AUH: variants seen among roughly 807,000 people sequenced by gnomAD.
The protein encoded by AUH is AU RNA binding methylglutaconyl-CoA hydratase.
AUH carries 29 observed loss-of-function variants against 42.3 expected under a neutral mutation model. The observed-to-expected ratio is 0.69, with a 90% CI of 0.51 to 0.93. AUH has a LOEUF of 0.93. Among genes scored for constraint, AUH ranks in the 40% least tolerant of loss-of-function variants. AUH has a pLI of 0.00. For missense variants in AUH, 452 were observed against 438.1 expected, an observed-to-expected ratio of 1.03 and a Z score of -0.28; for synonymous variants, 174 against 166.4, an observed-to-expected ratio of 1.05 and a Z score of -0.35.
chr9:91,303,574 G>A (rs1415810715), intron 4 of AUH, among the ~76,000 whole-genome samples: 4 of 152,124 alleles, frequency 2.6e-5, no homozygotes, highest in South Asian at 2.1e-4. Flanking sequence ...TGATCCACCC[G>A]CCTCGGCCTC....
At chr9:91,359,096 A>C (rs1296671800) in intron 1 of AUH, among the ~76,000 whole-genome samples, 1 of 152,208 alleles carries the variant, frequency 6.6e-6, no homozygotes, top group Admixed American at 6.5e-5. Flanking sequence ...AACATACAAA[A>C]ATCTTCAGTG....
At chr9:91,322,234 C>A (rs1829634233) in intron 4 of AUH, among the ~76,000 whole-genome samples, 1 of 152,186 alleles carries the variant, frequency 6.6e-6, no homozygotes, top group Non-Finnish European at 1.5e-5. Context: ...ATCCCAATTT[C>A]AGAATCCACA....
At chr9:91,313,079 TG>T (rs1828834590) in intron 4 of AUH, among the ~76,000 whole-genome samples, 2 of 151,454 alleles carry the variant, frequency 1.3e-5, no homozygotes, top group Non-Finnish European at 2.9e-5. Context: ...CGGGGGGGGT[TG>T]TTTTTTTGGC....
At chr9:91,229,606 G>C (rs982954487) in intron 6 of AUH, among the ~76,000 whole-genome samples, 2 of 151,440 alleles carry the variant, frequency 1.3e-5, no homozygotes, top group African/African-American at 4.9e-5. Context: ...TATGATGTTA[G>C]CTGGTTATTT....
chr9:91,256,912 C>T (rs1382639439), intron 6 of AUH, among the ~76,000 whole-genome samples: 4 of 152,060 alleles, frequency 2.6e-5, no homozygotes, highest in Admixed American at 6.5e-5. Context: ...GATTATTCAG[C>T]GGACAAAAAT....
intron 6 of AUH, among the ~76,000 whole-genome samples, chr9:91,253,101 A>G (rs1187788647): frequency 6.6e-6 from 1 of 152,256 alleles, no homozygotes; most frequent in Non-Finnish European, 1.5e-5. Context: ...TTCTACAATA[A>G]TCTTTCATAA....
rs577813233 is a variant in AUH, at chr9:91,217,476, G to C, written c.844-149C>G. Reference sequence around the variant, plus strand: ...CTAGATGGAAAATTTTCTGAGCCTTGCAAGGCTGTAATTAAAGAGCAACTG... The same window carrying C: ...CTAGATGGAAAATTTTCTGAGCCTTCCAAGGCTGTAATTAAAGAGCAACTG... On this transcript the variant is annotated intron_variant, in intron 7 of 9. Transcript: ENST00000375731. 3 of 758,358 alleles carry C rather than the reference G, an allele frequency of 4.0e-6. No homozygotes were observed. The South Asian group carries it at 5.1e-5, about 13-fold the overall frequency. 47.0% of individuals were successfully genotyped at this position (758,358 alleles called of 1,614,324 possible).
intron 6 of AUH, among the ~76,000 whole-genome samples, chr9:91,256,191 G>T (rs58116121): frequency 0.025 from 3,877 of 152,204 alleles, 87 homozygotes; most frequent in East Asian, 0.059. Context: ...TTAAGCTTAT[G>T]ATTTATTTAG....
chr9:91,288,859 T>C (rs1826633619), intron 6 of AUH, among the ~76,000 whole-genome samples: 1 of 152,190 alleles, frequency 6.6e-6, no homozygotes, highest in African/African-American at 2.4e-5. Context: ...TCCATTAATA[T>C]GTTCAATAGA....
chr9:91,260,998 T>C (rs917199850), intron 6 of AUH, among the ~76,000 whole-genome samples: 1 of 152,180 alleles, frequency 6.6e-6, no homozygotes, highest in Non-Finnish European at 1.5e-5. Context: ...ACATCTCAAA[T>C]AGTTGTTTTA....
intron 4 of AUH, among the ~76,000 whole-genome samples, chr9:91,316,128 G>C (rs1255400914): frequency 6.6e-6 from 1 of 152,220 alleles, no homozygotes; most frequent in East Asian, 1.9e-4. Flanking sequence ...TATTAACAAT[G>C]TTAAGTGTCC....
intron 6 of AUH, among the ~76,000 whole-genome samples, chr9:91,268,080 C>T (rs1261532392): frequency 6.6e-6 from 1 of 152,158 alleles, no homozygotes; most frequent in African/African-American, 2.4e-5. Context: ...CAGACTAAAA[C>T]CCCACAGAGT....
intron 3 of AUH, among the ~76,000 whole-genome samples, chr9:91,334,807 G>A (rs1022808661): frequency 6.6e-6 from 1 of 152,142 alleles, no homozygotes; most frequent in Non-Finnish European, 1.5e-5. Flanking sequence ...GATTTCAATC[G>A]TTCCAATTTT....
intron 6 of AUH, among the ~76,000 whole-genome samples, chr9:91,246,689 C>T (rs1253839551): frequency 1.3e-5 from 2 of 152,224 alleles, no homozygotes; most frequent in Non-Finnish European, 2.9e-5. Context: ...AGGCAAAACA[C>T]TTGTTTAAAG....
chr9:91,308,850 C>T (rs1828443732), intron 4 of AUH, among the ~76,000 whole-genome samples: 2 of 150,040 alleles, frequency 1.3e-5, no homozygotes, highest in South Asian at 4.2e-4. Flanking sequence ...AAGTGCAATG[C>T]CACAATCTTG....
intron 6 of AUH, among the ~76,000 whole-genome samples, chr9:91,259,637 C>A (rs960573712): frequency 6.6e-6 from 1 of 152,128 alleles, no homozygotes; most frequent in Non-Finnish European, 1.5e-5. Flanking sequence ...TTCATTTTCA[C>A]TAAATTCAAA....
At chr9:91,238,518 G>A (rs73650972) in intron 6 of AUH, among the ~76,000 whole-genome samples, 6,334 of 152,250 alleles carry the variant, frequency 0.042, 416 homozygotes, top group African/African-American at 0.14. Flanking sequence ...AAGGGAAAAT[G>A]AAAATGGGTA....
chr9:91,243,460 G>T (rs1429108789), intron 6 of AUH, among the ~76,000 whole-genome samples: 2 of 152,226 alleles, frequency 1.3e-5, no homozygotes, highest in African/African-American at 2.4e-5. Context: ...GGAGAGAAAT[G>T]AATTACACGG....
chr9:91,283,784 T>G (rs187863327), intron 6 of AUH, among the ~76,000 whole-genome samples: 1 of 152,256 alleles, frequency 6.6e-6, no homozygotes, highest in Admixed American at 6.5e-5. Flanking sequence ...CAAGGAGAAC[T>G]ACAAACCACT....
Sources: allele counts gnomAD v4.1 joint callset (sites outside exome capture counted in the v4.1 genomes callset), GRCh38; gene constraint gnomAD v4.1.1; transcripts MANE v1.5; gene names NCBI Gene and HGNC (gene_info 2026-07-23, HGNC 2026-07-21).